The following SEMA5A variants were observed in gnomAD, a reference collection of about 807,000 sequenced individuals.
SEMA5A encodes semaphorin 5A, also known as semaphorin-5A.
Under a neutral mutation model 135.5 loss-of-function variants are expected in SEMA5A, and 55 were observed. The ratio of observed to expected loss-of-function variants is 0.41; its 90% confidence interval spans 0.33 to 0.51. SEMA5A has a LOEUF of 0.51. Among genes scored for constraint, SEMA5A ranks in the 20% least tolerant of loss-of-function variants. SEMA5A has a pLI of 0.37. For synonymous variants in SEMA5A, 580 were observed against 546.5 expected (o/e 1.06, Z -0.85); for missense variants, 1,290 against 1,419.9 (o/e 0.91, Z 1.47).
intron 11 of SEMA5A, among the ~76,000 whole-genome samples, chr5:9,156,569 C>T (rs1200052135): frequency 1.3e-5 from 2 of 152,176 alleles, no homozygotes; most frequent in African/African-American, 4.8e-5. Context: ...GGAAGCAAGG[C>T]TCATGGGAGA....
At chr5:9,320,062 C>G (rs1345005812) in intron 4 of SEMA5A, among the ~76,000 whole-genome samples, 6 of 152,168 alleles carry the variant, frequency 3.9e-5, no homozygotes, top group African/African-American at 1.4e-4. Flanking sequence ...TCTCATGAGT[C>G]CAGGCATTGC....
chr5:9,445,946 C>G (rs939032914), intron 1 of SEMA5A, among the ~76,000 whole-genome samples: 5 of 152,204 alleles, frequency 3.3e-5, no homozygotes, highest in Non-Finnish European at 7.3e-5. Context: ...AATACTCTTC[C>G]CACTTGGAGC....
intron 18 of SEMA5A, among the ~76,000 whole-genome samples, chr5:9,059,009 C>A (rs1737040768): frequency 6.6e-6 from 1 of 152,186 alleles, no homozygotes; most frequent in Non-Finnish European, 1.5e-5. Context: ...CACACAACTG[C>A]CAGAATTATT....
chr5:9,512,188 T>G (rs687510), intron 1 of SEMA5A: 102,419 of 152,078 alleles, frequency 0.67, 35,398 homozygotes, highest in African/African-American at 0.71. Flanking sequence ...CATAAGAGCA[T>G]AACTGATTAT....
intron 5 of SEMA5A, among the ~76,000 whole-genome samples, chr5:9,291,277 G>A (rs1210376379): frequency 6.6e-6 from 1 of 152,156 alleles, no homozygotes; most frequent in Non-Finnish European, 1.5e-5. Context: ...GATGGTCCCA[G>A]CAGCATGTCC....
At chr5:9,376,804 G>A (rs1033016318) in intron 3 of SEMA5A, among the ~76,000 whole-genome samples, 6 of 152,132 alleles carry the variant, frequency 3.9e-5, no homozygotes, top group African/African-American at 1.2e-4. Flanking sequence ...CAGGAAAGGC[G>A]GCAGAGAAAT....
At chr5:9,122,942 TTTG>T (rs761383074) in intron 13 of SEMA5A, 105 bp from the exon 14 acceptor site, 72 of 1,068,588 alleles carry the variant, frequency 6.7e-5, no homozygotes, top group African/African-American at 2.5e-4. Context: ...TCCTCTAGAA[TTTG>T]TTGTTGTTGT....
At chr5:9,257,279 C>T (rs781406833) in intron 5 of SEMA5A, among the ~76,000 whole-genome samples, 2 of 152,218 alleles carry the variant, frequency 1.3e-5, no homozygotes, top group Non-Finnish European at 2.9e-5. Flanking sequence ...GACCTTCTCA[C>T]AGCGTCTTGT....
intron 12 of SEMA5A, among the ~76,000 whole-genome samples, chr5:9,139,694 C>T (rs1430208965): frequency 6.6e-6 from 1 of 152,108 alleles, no homozygotes; most frequent in Non-Finnish European, 1.5e-5. Flanking sequence ...CCCTGTTTGA[C>T]ATTTTTTTCT....
chr5:9,311,977 T>C (rs1305213941), intron 5 of SEMA5A, among the ~76,000 whole-genome samples: 2 of 152,064 alleles, frequency 1.3e-5, no homozygotes, highest in Non-Finnish European at 2.9e-5. Flanking sequence ...CAAAACAATA[T>C]AAAAATGGAT....
At chr5:9,434,214 C>T (rs544790805) in intron 2 of SEMA5A, among the ~76,000 whole-genome samples, 2 of 152,122 alleles carry the variant, frequency 1.3e-5, no homozygotes, top group South Asian at 2.1e-4. Flanking sequence ...CTTCAATTTG[C>T]AATAATATGA....
At chr5:9,513,866 T>G (rs1486341019) in intron 1 of SEMA5A, among the ~76,000 whole-genome samples, 2 of 152,196 alleles carry the variant, frequency 1.3e-5, no homozygotes, top group Non-Finnish European at 2.9e-5. Context: ...ACTAGTGAGA[T>G]AGTGGAGTGG....
At chr5:9,249,262 G>A (rs1446972196) in intron 5 of SEMA5A, among the ~76,000 whole-genome samples, 2 of 152,058 alleles carry the variant, frequency 1.3e-5, no homozygotes, top group African/African-American at 4.8e-5. Flanking sequence ...TATTTGTAAG[G>A]GTGTCTCCCC....
chr5:9,323,677 T>C (rs1391773210), intron 4 of SEMA5A, among the ~76,000 whole-genome samples: 5 of 147,854 alleles, frequency 3.4e-5, no homozygotes, highest in Admixed American at 6.7e-5. Context: ...TTTTTTTTTT[T>C]CTGAGATGGA....
chr5:9,250,925 A>G (rs1443647522), intron 5 of SEMA5A, among the ~76,000 whole-genome samples: 3 of 152,202 alleles, frequency 2.0e-5, no homozygotes, highest in Admixed American at 1.3e-4. Flanking sequence ...CATTTTTCTT[A>G]GATTTTCACA....
intron 12 of SEMA5A, among the ~76,000 whole-genome samples, chr5:9,149,137 T>C (rs1279892228): frequency 6.6e-6 from 1 of 152,208 alleles, no homozygotes. Flanking sequence ...TCACACTTTT[T>C]TCAACAGACA....
At chr5:9,229,646 A>G (rs1442113433) in intron 6 of SEMA5A, among the ~76,000 whole-genome samples, 1 of 152,078 alleles carries the variant, frequency 6.6e-6, no homozygotes, top group East Asian at 1.9e-4. Flanking sequence ...ACAGAATAGA[A>G]GGGTGAGGTT....
chr5:9,390,587 G>A (rs916273129), intron 2 of SEMA5A, among the ~76,000 whole-genome samples: 2 of 152,036 alleles, frequency 1.3e-5, no homozygotes, highest in African/African-American at 4.8e-5. Context: ...GGAATAACAC[G>A]GTGTATATCT....
intron 2 of SEMA5A, among the ~76,000 whole-genome samples, chr5:9,434,776 G>A (rs942955422): frequency 2.0e-5 from 3 of 152,108 alleles, no homozygotes; most frequent in African/African-American, 7.2e-5. Context: ...CATGGCACAT[G>A]GAATAAGTAC....
Sources: gnomAD v4.1 joint callset for allele counts (sites outside exome capture counted in the v4.1 genomes callset) on GRCh38, gnomAD v4.1.1 for gene constraint, MANE v1.5 for transcripts, NCBI Gene and HGNC (gene_info 2026-07-23, HGNC 2026-07-21) for gene names.